The following MARCHF1 variants were observed in gnomAD, a reference collection of about 807,000 sequenced individuals.
MARCHF1 encodes the protein E3 ubiquitin-protein ligase MARCHF1.
MARCHF1 carries 40 observed loss-of-function variants against 54.2 expected under a neutral mutation model. The observed-to-expected ratio is 0.74, with a 90% CI of 0.57 to 0.96. MARCHF1 has a LOEUF of 0.96. MARCHF1 is among the 40% of genes least tolerant of loss of function. The probability of loss-of-function intolerance (pLI) is 0.00; values close to 1 mark genes in which losing one functional copy is unlikely to be tolerated. For synonymous variants in MARCHF1, 236 were observed against 236.3 expected, an observed-to-expected ratio of 1.00 and a Z score of 0.01; for missense variants, 586 against 656.5, an observed-to-expected ratio of 0.89 and a Z score of 1.17.
chr4:163,924,092 G>C (rs1751488743), intron 3 of MARCHF1, among the ~76,000 whole-genome samples: 1 of 152,040 alleles, frequency 6.6e-6, no homozygotes, highest in South Asian at 2.1e-4. Flanking sequence ...AACTGTGCTT[G>C]ATGCATGGAG....
chr4:163,841,308 A>G (rs1370462828), intron 4 of MARCHF1, among the ~76,000 whole-genome samples: 3 of 152,102 alleles, frequency 2.0e-5, no homozygotes, highest in African/African-American at 4.8e-5. Context: ...AGGTTCATCA[A>G]CTATAACAAA....
intron 3 of MARCHF1, among the ~76,000 whole-genome samples, chr4:163,987,340 T>C (rs1752888415): frequency 6.6e-6 from 1 of 152,226 alleles, no homozygotes; most frequent in South Asian, 2.1e-4. Context: ...CAAAGTTATC[T>C]ACAAATTCTA....
At position 163,833,665 on chromosome 4, in the gene MARCHF1, A is replaced by G. The variant is rs145994233; in HGVS notation, c.111+20356T>C. ...GAGAAATGCAAATCAAAACCAAAAT[A>G]TTATTTATTGTTTTTGCCCCAGAGT... On this transcript the variant is annotated intron_variant, in intron 4 of 9. Coordinates refer to ENST00000514618, the MANE Select transcript of MARCHF1 (RefSeq NM_001394959.1). 2.6e-3 allele frequency among the ~76,000 whole-genome samples: 396 copies of G among 152,224 alleles called. 2 individuals carry two copies. The highest frequency in any genetic ancestry group is 9.1e-3 in the African/African-American group (376 of 41,532).
intron 2 of MARCHF1, among the ~76,000 whole-genome samples, chr4:164,029,431 C>T (rs1753832180): frequency 6.6e-6 from 1 of 151,952 alleles, no homozygotes; most frequent in African/African-American, 2.4e-5. Flanking sequence ...CCCCATGATC[C>T]AATCACCTCC....
At chr4:164,201,476 T>G (rs1160506650) in intron 1 of MARCHF1, among the ~76,000 whole-genome samples, 1 of 152,096 alleles carries the variant, frequency 6.6e-6, no homozygotes, top group South Asian at 2.1e-4. Flanking sequence ...CGCCTGGGAC[T>G]CCCAAAGTGC....
intron 5 of MARCHF1, among the ~76,000 whole-genome samples, chr4:163,633,681 T>C (rs1275082584): frequency 2.0e-5 from 3 of 152,180 alleles, no homozygotes; most frequent in Admixed American, 6.5e-5. Context: ...TGCAGGATAT[T>C]ATCCAGGAGA....
chr4:163,684,969 A>G (rs921861277), intron 5 of MARCHF1, among the ~76,000 whole-genome samples: 1 of 152,252 alleles, frequency 6.6e-6, no homozygotes, highest in Admixed American at 6.5e-5. Flanking sequence ...ACACTAAAGT[A>G]CACCTCATTC....
At chr4:164,368,386 T>C (rs923364537) in intron 1 of MARCHF1, among the ~76,000 whole-genome samples, 3 of 151,932 alleles carry the variant, frequency 2.0e-5, no homozygotes, top group Admixed American at 2.0e-4. Context: ...TAATGATTAT[T>C]ATCTTGAATT....
chr4:163,782,684 A>AG lies in MARCHF1; in HGVS notation c.111+71336_111+71337insC, dbSNP rs1452300106. ...ACTCCATCTCCAAAAAAAAAAAAAAAAAAGAAAGAAAGAAAAGGAAGGTCC... is the reference window on the plus strand; with the variant it reads ...ACTCCATCTCCAAAAAAAAAAAAAAAGAAAGAAAGAAAGAAAAGGAAGGTCC... On this transcript the variant is annotated intron_variant, in intron 4 of 9. Transcript: ENST00000514618. Among the ~76,000 whole-genome samples, 837 of 151,246 alleles carry AG rather than the reference A, an allele frequency of 5.5e-3. 9 individuals are homozygous for AG. Among genetic ancestry groups the AG allele is most frequent in the African/African-American group, 0.019 (787 of 41,052 alleles).
chr4:164,376,759 A>G (rs1731205113), intron 1 of MARCHF1, among the ~76,000 whole-genome samples: 1 of 152,196 alleles, frequency 6.6e-6, no homozygotes, highest in African/African-American at 2.4e-5. Flanking sequence ...TAGTAAAGTC[A>G]CAGAAAAGAA....
chr4:163,574,947 G>A (rs915921102), intron 8 of MARCHF1, among the ~76,000 whole-genome samples: 9 of 152,008 alleles, frequency 5.9e-5, no homozygotes, highest in African/African-American at 1.7e-4. Context: ...CTACCCATGA[G>A]CATGGAATGT....
intron 1 of MARCHF1, among the ~76,000 whole-genome samples, chr4:164,305,293 G>T (rs1336501289): frequency 6.6e-6 from 1 of 152,118 alleles, no homozygotes; most frequent in Admixed American, 6.5e-5. Context: ...TAAAATAAAA[G>T]TGCAGAATAT....
chr4:163,946,654 T>C (rs1200419493), intron 3 of MARCHF1, among the ~76,000 whole-genome samples: 1 of 152,192 alleles, frequency 6.6e-6, no homozygotes, highest in Non-Finnish European at 1.5e-5. Flanking sequence ...ATACATTCAT[T>C]TGATGTTCTC....
chr4:163,646,357 A>G lies in MARCHF1; in HGVS notation c.163-32964T>C, dbSNP rs1229957406. On this transcript the variant is annotated intron_variant, in intron 5 of 9. Transcript: ENST00000514618. The stretch of plus-strand genomic sequence containing the variant: ...GACAAAGCTGAGAGTGTTCATTACC[A>G]TTATATTTGCCTCATCAAAAATGCC... Among the ~76,000 whole-genome samples the G allele has an allele frequency of 3.3e-5, 5 of 152,248 alleles. No homozygotes were observed. The East Asian group carries it at 7.7e-4, about 24-fold the overall frequency.
intron 3 of MARCHF1, among the ~76,000 whole-genome samples, chr4:163,907,165 A>T (rs554556614): frequency 2.6e-4 from 40 of 152,032 alleles, no homozygotes; most frequent in Non-Finnish European, 3.7e-4. Context: ...CATTAACTGT[A>T]TTTTCTTATA....
intron 1 of MARCHF1, among the ~76,000 whole-genome samples, chr4:164,250,652 T>C (rs1208659005): frequency 5.9e-5 from 9 of 152,138 alleles, no homozygotes; most frequent in Non-Finnish European, 8.8e-5. Context: ...TTATTGATAA[T>C]TGATCATAAA....
intron 4 of MARCHF1, among the ~76,000 whole-genome samples, chr4:163,783,855 G>T (rs1340382824): frequency 6.6e-6 from 1 of 152,030 alleles, no homozygotes; most frequent in Non-Finnish European, 1.5e-5. Flanking sequence ...ATATTCTGAT[G>T]ATTTCCAGCT....
At chr4:163,715,537 T>C (rs1394265639) in intron 4 of MARCHF1, among the ~76,000 whole-genome samples, 1 of 152,214 alleles carries the variant, frequency 6.6e-6, no homozygotes, top group East Asian at 1.9e-4. Flanking sequence ...GTATTTTCTT[T>C]TGTGTATTTG....
At position 163,723,999 on chromosome 4, in the gene MARCHF1, C is replaced by T. The variant is rs547588816; in HGVS notation, c.112-23136G>A. Among the ~76,000 whole-genome samples the T allele has an allele frequency of 2.5e-3, 375 of 152,212 alleles. 1 individual carries two copies. The highest frequency in any genetic ancestry group is 8.5e-3 in the South Asian group (41 of 4,830). ...CTCCTTTAGCTCGGAGAAGTTTGAT[C>T]GTCTGAAGCCTTCTTCTCTCAACTC... On this transcript the variant is annotated intron_variant, in intron 4 of 9. Transcript: ENST00000514618.
Sources: allele counts gnomAD v4.1 joint callset (sites outside exome capture counted in the v4.1 genomes callset), GRCh38; gene constraint gnomAD v4.1.1; transcripts MANE v1.5; gene names NCBI Gene and HGNC (gene_info 2026-07-23, HGNC 2026-07-21).